Variants in TENM4 observed in about 807,000 individuals in gnomAD.
The protein encoded by TENM4 is teneurin transmembrane protein 4.
In TENM4, 82 loss-of-function variants were observed where a neutral mutation model predicts 243.3. That is an observed-to-expected ratio of 0.34 (90% CI 0.28 to 0.40). The LOEUF is 0.40. Ranked by LOEUF, TENM4 falls within the 10% of genes least tolerant of loss-of-function variation. The pLI is 1.00. For missense variants in TENM4, 3,138 were observed against 3,673.3 expected (o/e 0.85, Z 3.77); for synonymous variants, 1,412 against 1,456.3 (o/e 0.97, Z 0.69).
intron 27 of TENM4, among the ~76,000 whole-genome samples, chr11:78,706,534 A>G (rs1053071911): frequency 2.0e-5 from 3 of 152,206 alleles, no homozygotes; most frequent in African/African-American, 4.8e-5. Flanking sequence ...AATAGATGCC[A>G]GTATTGGAGA....
chr11:78,667,514 G>A (rs1858186205), intron 32 of TENM4, among the ~76,000 whole-genome samples: 1 of 152,088 alleles, frequency 6.6e-6, no homozygotes, highest in Non-Finnish European at 1.5e-5. Context: ...ACCAGCTCAG[G>A]AGCTGGCCTC....
intron 2 of TENM4, among the ~76,000 whole-genome samples, chr11:79,228,087 GA>G (rs1180587110): frequency 2.0e-5 from 3 of 152,196 alleles, no homozygotes; most frequent in Admixed American, 2.0e-4. Context: ...ATTTGGATGT[GA>G]AAAAAAGTAT....
At chr11:78,950,554 T>G (rs969318965) in intron 6 of TENM4, among the ~76,000 whole-genome samples, 6 of 152,186 alleles carry the variant, frequency 3.9e-5, no homozygotes, top group Non-Finnish European at 8.8e-5. Context: ...AAAATGCCAC[T>G]TACTATCTCT....
At chr11:79,131,606 A>C (rs539311603) in intron 4 of TENM4, among the ~76,000 whole-genome samples, 1 of 152,310 alleles carries the variant, frequency 6.6e-6, no homozygotes, top group East Asian at 1.9e-4. Flanking sequence ...AGAACCTATA[A>C]AACAAAAATA....
chr11:78,773,896 A>G (rs1309204395), intron 17 of TENM4, among the ~76,000 whole-genome samples: 1 of 152,218 alleles, frequency 6.6e-6, no homozygotes, highest in Non-Finnish European at 1.5e-5. Context: ...ACTTTTTGTT[A>G]AAAATGTTCA....
chr11:78,699,602 C>T (rs1003287778), intron 28 of TENM4, among the ~76,000 whole-genome samples: 2 of 152,174 alleles, frequency 1.3e-5, no homozygotes, highest in African/African-American at 4.8e-5. Flanking sequence ...TCTTGGGTAC[C>T]GCTATGAAGT....
At chr11:79,110,819 C>T (rs1357900359) in intron 4 of TENM4, among the ~76,000 whole-genome samples, 1 of 152,214 alleles carries the variant, frequency 6.6e-6, no homozygotes, top group Non-Finnish European at 1.5e-5. Flanking sequence ...CGGTAAAGCA[C>T]CCGACCCTGC....
intron 6 of TENM4, among the ~76,000 whole-genome samples, chr11:79,003,051 G>T (rs1419705134): frequency 6.6e-6 from 1 of 152,118 alleles, no homozygotes; most frequent in Non-Finnish European, 1.5e-5. Context: ...ACCAAGCTGA[G>T]AAAACAGAGC....
At chr11:79,385,541 G>A (rs570552) in intron 1 of TENM4, among the ~76,000 whole-genome samples, 77,014 of 151,916 alleles carry the variant, frequency 0.51, 19,630 homozygotes, top group East Asian at 0.56. Context: ...TACCCAGTTA[G>A]AACAAGATTT....
At chr11:79,412,257 G>A (rs1209445616) in intron 1 of TENM4, among the ~76,000 whole-genome samples, 2 of 152,244 alleles carry the variant, frequency 1.3e-5, no homozygotes, top group Non-Finnish European at 2.9e-5. Context: ...TAACCAACAG[G>A]CTGTGAGATG....
At position 78,661,570 on chromosome 11, in the gene TENM4, G is replaced by C; in HGVS notation, c.7430C>G (p.Thr2477Ser). ...FMTDVNSWLLTFGFQLHNVIP... is the reference protein window; with the variant it reads ...FMTDVNSWLLSFGFQLHNVIP... Reference sequence around the variant, plus strand: ...CACGTTGTGTAGCTGGAATCCAAAGGTGAGCAGCCAGCTGTTAACATCTGG... The same window carrying C: ...CACGTTGTGTAGCTGGAATCCAAAGCTGAGCAGCCAGCTGTTAACATCTGG... Residue 2477 changes from threonine to serine, a missense_variant, in exon 33 of 34, where the codon ACC becomes AGC. Physicochemically the swap from Thr to Ser is moderately conservative, Grantham distance 58. Transcript: ENST00000278550. 1.2e-6 allele frequency: 2 copies of C among 1,613,430 alleles called. No homozygotes were observed. Among genetic ancestry groups the C allele is most frequent in the Non-Finnish European group, 8.5e-7 (1 of 1,179,742 alleles).
At position 79,310,347 on chromosome 11, in the gene TENM4, C is replaced by T. The variant is rs567576493; in HGVS notation, c.-320-12804G>A. 5.2e-4 allele frequency among the ~76,000 whole-genome samples: 79 copies of T among 152,266 alleles called. 1 individual carries two copies. In the South Asian group the frequency reaches 5.6e-3, roughly 11 times the overall value. On this transcript the variant is annotated intron_variant, in intron 1 of 33. Coordinates refer to ENST00000278550, the MANE Select transcript of TENM4 (RefSeq NM_001098816.3). Reference sequence around the variant, plus strand: ...AAGTCTAAGATAATAAGACTTTGGCCTATCATACCAAAGGCCAGCCAAAAC... The same window carrying T: ...AAGTCTAAGATAATAAGACTTTGGCTTATCATACCAAAGGCCAGCCAAAAC...
At chr11:78,745,591 A>G (rs1321256075) in intron 19 of TENM4, among the ~76,000 whole-genome samples, 2 of 152,204 alleles carry the variant, frequency 1.3e-5, no homozygotes, top group Non-Finnish European at 2.9e-5. Context: ...GTGCTGGTCC[A>G]GACATGTAAC....
intron 6 of TENM4, among the ~76,000 whole-genome samples, chr11:78,939,352 G>A (rs1331663223): frequency 2.6e-5 from 4 of 152,218 alleles, no homozygotes; most frequent in East Asian, 1.9e-4. Flanking sequence ...ACTTTACAGC[G>A]TGATCTTCTA....
chr11:79,387,123 A>G (rs1046917001), intron 1 of TENM4, among the ~76,000 whole-genome samples: 2 of 152,338 alleles, frequency 1.3e-5, no homozygotes, highest in East Asian at 1.9e-4. Context: ...CACAAACACA[A>G]TGTTGAGTAA....
chr11:79,131,765 A>T (rs1275686733), intron 4 of TENM4, among the ~76,000 whole-genome samples: 1 of 152,138 alleles, frequency 6.6e-6, no homozygotes, highest in Non-Finnish European at 1.5e-5. Flanking sequence ...GTGGATAAAA[A>T]CTCACCAACC....
chr11:79,291,527 T>TG (rs1250490973), intron 2 of TENM4, among the ~76,000 whole-genome samples: 1 of 151,628 alleles, frequency 6.6e-6, no homozygotes, highest in Non-Finnish European at 1.5e-5. Context: ...ATCTGCAGGG[T>TG]GGGGGCCTAG....
At chr11:78,815,750 T>C (rs1208539718) in intron 12 of TENM4, among the ~76,000 whole-genome samples, 2 of 152,206 alleles carry the variant, frequency 1.3e-5, no homozygotes, top group Non-Finnish European at 2.9e-5. Context: ...TCACCAAATC[T>C]GACAAGTACA....
chr11:79,164,085 TACTATGTATATATAGTATATATAC>T (rs1862836326), intron 3 of TENM4, among the ~76,000 whole-genome samples: 4 of 114,826 alleles, frequency 3.5e-5, no homozygotes, highest in African/African-American at 1.4e-4. Context: ...ACACTATATA[TACTATGTATATATAGTATATATAC>T]ACTATATATA....
Sources: allele counts gnomAD v4.1 joint callset (sites outside exome capture counted in the v4.1 genomes callset), GRCh38; gene constraint gnomAD v4.1.1; transcripts MANE v1.5; gene names NCBI Gene and HGNC (gene_info 2026-07-23, HGNC 2026-07-21).